Variants in PDXDC1 observed in about 807,000 individuals in gnomAD.
PDXDC1 encodes the protein pyridoxal-dependent decarboxylase domain-containing protein 1.
In PDXDC1, 42 loss-of-function variants were observed where a neutral mutation model predicts 100.1. The ratio of observed to expected loss-of-function variants is 0.42; its 90% confidence interval spans 0.33 to 0.54. PDXDC1 has a LOEUF of 0.54. PDXDC1 is among the 20% of genes least tolerant of loss of function. PDXDC1 has a pLI of 0.10. For synonymous variants in PDXDC1, 260 were observed against 371.7 expected, an observed-to-expected ratio of 0.70 and a Z score of 3.46; for missense variants, 636 against 979.2, an observed-to-expected ratio of 0.65 and a Z score of 4.68.
At chr16:15,150,111 G>C in the PDXDC1 span, among the ~76,000 whole-genome samples, 11,891 of 152,040 alleles carry the variant, frequency 0.078, 770 homozygotes, top group African/African-American at 0.17. Flanking sequence ...TTGGGAGGCT[G>C]AGGCGGGTGG....
chr16:14,982,986 A>G (rs1420241687), intron 1 of PDXDC1, among the ~76,000 whole-genome samples: 2 of 152,274 alleles, frequency 1.3e-5, no homozygotes, highest in African/African-American at 4.8e-5. Flanking sequence ...CTTGCTTTTT[A>G]TCTCAGCCGA....
rs1232857281 is a variant in PDXDC1 at position 15,007,855 on chromosome 16, G to C, written c.580-924G>C. ...TTCAAAAGATGTGTAAGAGTGTTCT[G>C]TTGGGAATGGCAGCTGGCAGAGCAG... On this transcript the variant is annotated intron_variant, in intron 6 of 22. Transcript: ENST00000396410. Among the ~76,000 whole-genome samples the C allele has an allele frequency of 2.0e-5, 3 of 152,408 alleles. No individual in the cohort carries two copies. The East Asian group carries it at 5.8e-4, about 29-fold the overall frequency.
chr16:15,148,823 T>C, the PDXDC1 span, among the ~76,000 whole-genome samples: 29 of 152,258 alleles, frequency 1.9e-4, no homozygotes, highest in African/African-American at 6.7e-4. Context: ...GTGCCCCACA[T>C]TCCCAACTGC....
At chr16:15,084,122 T>C (rs1326883486) in intron 16 of PDXDC1, among the ~76,000 whole-genome samples, 1 of 152,200 alleles carries the variant, frequency 6.6e-6, no homozygotes, top group African/African-American at 2.4e-5. Context: ...AGGGAGCTTC[T>C]CTCCCACAGA....
intron 16 of PDXDC1, chr16:15,134,052 C>T: frequency 3.8e-6 from 6 of 1,572,584 alleles, no homozygotes; most frequent in Non-Finnish European, 5.2e-6. Context: ...TGTCTTGTTG[C>T]TGAACGTACG....
At chr16:15,013,525 A>G (rs2041518930) in intron 8 of PDXDC1, among the ~76,000 whole-genome samples, 1 of 152,216 alleles carries the variant, frequency 6.6e-6, no homozygotes, top group Non-Finnish European at 1.5e-5. Context: ...TGCTCTATAT[A>G]TTTGTCAAAA....
the PDXDC1 span, among the ~76,000 whole-genome samples, chr16:15,148,178 C>G: frequency 7.3e-5 from 11 of 151,258 alleles, no homozygotes; most frequent in East Asian, 5.9e-4. Flanking sequence ...GTTGCCCAGG[C>G]TGGCCTCAAA....
At position 15,080,141 on chromosome 16, in the gene PDXDC1, C is replaced by T. The variant is rs55674441; in HGVS notation, c.1399+50085C>T. The T allele has an allele frequency of 7.9e-4, 1,222 of 1,548,732 alleles. 1 individual carries two copies. Among genetic ancestry groups the T allele is most frequent in the Non-Finnish European group, 7.4e-4 (852 of 1,151,112 alleles). On this transcript the variant is annotated intron_variant, in intron 16 of 16. Coordinates refer to the PDXDC1 transcript ENST00000535621. ...ATAAAACATTTCAACAGAGAATAAA[C>T]GTTTCACAGTTATGTAAGCAAAACA...
intron 16 of PDXDC1, chr16:15,074,563 G>C (rs1189487082): frequency 4.2e-5 from 19 of 454,634 alleles, no homozygotes; most frequent in Non-Finnish European, 6.4e-5. Context: ...CAAGCTATGT[G>C]ACTGGCAAGT....
chr16:15,063,234 C>T (rs2044791915), intron 16 of PDXDC1: 1 of 1,613,566 alleles, frequency 6.2e-7, no homozygotes, highest in South Asian at 1.1e-5. Flanking sequence ...AGCTCTTCAG[C>T]ACTCATGTCT....
chr16:15,145,174 G>A, the PDXDC1 span, among the ~76,000 whole-genome samples: 2 of 152,228 alleles, frequency 1.3e-5, no homozygotes, highest in Non-Finnish European at 2.9e-5. Flanking sequence ...GGTAGGAAGA[G>A]GGTGGTGGGG....
chr16:15,126,019 G>A (rs2151903554), intron 16 of PDXDC1: 5 of 594,994 alleles, frequency 8.4e-6, no homozygotes, highest in East Asian at 8.3e-5. Flanking sequence ...GTGCAGCTAA[G>A]GAACAGAGTT....
At chr16:15,102,754 C>A (rs1408526068) in intron 16 of PDXDC1, among the ~76,000 whole-genome samples, 1 of 144,802 alleles carries the variant, frequency 6.9e-6, no homozygotes, top group Non-Finnish European at 1.5e-5. Context: ...AGTTCGAGAC[C>A]AGCCTAGGCA....
intron 1 of PDXDC1, among the ~76,000 whole-genome samples, chr16:14,984,495 A>ATATATATATATATATATATATAT (rs1555542734): frequency 2.7e-5 from 2 of 73,482 alleles, no homozygotes; most frequent in Non-Finnish European, 4.8e-5. Context: ...ATATATATAT[A>ATATATATATATATATATATATAT]TTTTTTTTTT....
intron 3 of PDXDC1, among the ~76,000 whole-genome samples, chr16:14,998,883 G>A (rs565928449): frequency 7.9e-5 from 12 of 152,406 alleles, no homozygotes; most frequent in African/African-American, 2.9e-4. Context: ...TGGCTGGTTG[G>A]TGATATTGCT....
downstream of PDXDC1, chr16:15,039,971 G>C: frequency 6.4e-7 from 1 of 1,564,022 alleles, no homozygotes. Flanking sequence ...AAACTCACTG[G>C]TCCTCCTGCT....
At chr16:15,074,679 G>A in intron 16 of PDXDC1, 2 of 1,507,918 alleles carry the variant, frequency 1.3e-6, no homozygotes, top group Non-Finnish European at 1.8e-6. Flanking sequence ...CACAAAGCCA[G>A]GTACACTGCA....
chr16:15,061,268 C>T (rs1056097396), intron 16 of PDXDC1: 2 of 153,648 alleles, frequency 1.3e-5, no homozygotes, highest in African/African-American at 4.8e-5. Flanking sequence ...AACAATGTAG[C>T]CAAAATAAAC....
At chr16:15,128,866 C>T (rs912890667) in intron 16 of PDXDC1, among the ~76,000 whole-genome samples, 63 of 148,094 alleles carry the variant, frequency 4.3e-4, no homozygotes, top group Admixed American at 2.0e-3. Context: ...AGTGCAGTGG[C>T]GCAATCTCAG....
Sources: allele counts gnomAD v4.1 joint callset (sites outside exome capture counted in the v4.1 genomes callset), GRCh38; gene constraint gnomAD v4.1.1; transcripts MANE v1.5; gene names NCBI Gene and HGNC (gene_info 2026-07-23, HGNC 2026-07-21).